DAB2: variants seen among roughly 807,000 people sequenced by gnomAD.
The protein encoded by DAB2 is disabled homolog 2.
In DAB2, 28 loss-of-function variants were observed where a neutral mutation model predicts 71.6. The observed-to-expected ratio is 0.39, with a 90% CI of 0.29 to 0.54. The LOEUF (loss-of-function observed/expected upper bound fraction) is 0.54, where lower values mean the gene tolerates loss of function less well. Ranked by LOEUF, DAB2 falls within the 20% of genes least tolerant of loss-of-function variation. The probability of loss-of-function intolerance (pLI) is 0.68; values close to 1 mark genes in which losing one functional copy is unlikely to be tolerated. For synonymous variants in DAB2, 345 were observed against 339.7 expected, an observed-to-expected ratio of 1.02 and a Z score of -0.17; for missense variants, 867 against 928.8, an observed-to-expected ratio of 0.93 and a Z score of 0.86.
At chr5:39,406,034 T>C (rs529449862) in intron 1 of DAB2, among the ~76,000 whole-genome samples, 5 of 152,282 alleles carry the variant, frequency 3.3e-5, no homozygotes, top group African/African-American at 9.6e-5. Context: ...CTTTCCCATA[T>C]ACTTTAGGCT....
Position 39,375,981 on chromosome 5 carries a change from A to G in DAB2, c.2247+16T>C, listed in dbSNP as rs756786517. ...GCATGTACTTTGGAGAAGAGCTTCT[A>G]GTAGTTCATACTTACAGAGGCTTGT... On this transcript the variant is annotated intron_variant, in intron 13 of 14. Coordinates refer to ENST00000320816, the MANE Select transcript of DAB2 (RefSeq NM_001343.4). 1.3e-6 allele frequency: 2 copies of G among 1,586,228 alleles called. No homozygotes were observed. Among genetic ancestry groups the G allele is most frequent in the Non-Finnish European group, 8.7e-7 (1 of 1,154,644 alleles).
intron 2 of DAB2, among the ~76,000 whole-genome samples, chr5:39,393,927 A>G (rs1229203532): frequency 6.6e-6 from 1 of 152,206 alleles, no homozygotes; most frequent in Non-Finnish European, 1.5e-5. Flanking sequence ...CAAATGGTAA[A>G]TAAATAACTG....
At chr5:39,384,958 C>T (rs1755064697) in intron 9 of DAB2, among the ~76,000 whole-genome samples, 1 of 151,584 alleles carries the variant, frequency 6.6e-6, no homozygotes, top group African/African-American at 2.4e-5. Flanking sequence ...CAAAAGGGTT[C>T]AAATAGAACT....
chr5:39,388,913 C>T lies in DAB2; in HGVS notation c.571-61G>A, dbSNP rs73078551. 2.2e-4 allele frequency: 322 copies of T among 1,446,098 alleles called. No homozygotes were observed. The African/African-American group carries it at 3.8e-3, about 17-fold the overall frequency. 89.6% of individuals were successfully genotyped at this position (1,446,098 alleles called of 1,614,324 possible). A position where few individuals can be genotyped will look rare whatever the true frequency, so the allele number is the denominator to read the frequency against. On this transcript the variant is annotated intron_variant, in intron 7 of 14. Coordinates refer to ENST00000320816, the MANE Select transcript of DAB2 (RefSeq NM_001343.4). ...GCTTTGTCTATAAAATGTATTTGTC[C>T]ACTCTATTAGTCTGCTAAGCAGCAA...
At chr5:39,424,627 A>C (rs1301938285) in intron 1 of DAB2, among the ~76,000 whole-genome samples, 177 bp downstream of exon 1, 2 of 150,854 alleles carry the variant, frequency 1.3e-5, no homozygotes, top group East Asian at 3.9e-4. Context: ...TCAGGCCACA[A>C]AACTGCTGGT....
chr5:39,411,597 G>A (rs1408182303), intron 1 of DAB2, among the ~76,000 whole-genome samples: 1 of 152,146 alleles, frequency 6.6e-6, no homozygotes, highest in Non-Finnish European at 1.5e-5. Flanking sequence ...CTCCTATGTA[G>A]GCATTTTTAG....
At chr5:39,411,352 G>T (rs1041244910) in intron 1 of DAB2, among the ~76,000 whole-genome samples, 2 of 152,090 alleles carry the variant, frequency 1.3e-5, no homozygotes, top group Admixed American at 1.3e-4. Context: ...TTCTTTCAGA[G>T]CAGTCTCCTC....
chr5:39,382,784 T>C lies in DAB2; in HGVS notation c.1175A>G (p.Lys392Arg). ...SEREQNGFSV[K>R]SSPNPFVGSP... ...TCCCACAAAAGGGTTCGGGGAGGAT[T>C]TGACAGAGAAGCCGTTCTGTTCTCT... Residue 392 changes from lysine (K) to arginine (R), a missense_variant, in exon 10 of 15, where the codon AAA (lysine) becomes AGA (arginine). By Grantham distance (26) the Lys-to-Arg change is conservative (BLOSUM62 2). This residue lies in a region of DAB2 where 740 missense variants were observed against 734.3 expected (regional missense o/e 1.01). Transcript: ENST00000320816. 1 of 1,614,144 alleles carries C rather than the reference T, an allele frequency of 6.2e-7. No homozygotes were observed. The highest frequency in any genetic ancestry group is 8.5e-7 in the Non-Finnish European group (1 of 1,180,020).
intron 1 of DAB2, among the ~76,000 whole-genome samples, chr5:39,397,057 G>A (rs1486550755): frequency 6.6e-6 from 1 of 152,176 alleles, no homozygotes; most frequent in East Asian, 1.9e-4. Context: ...GCTGGTGAAG[G>A]GACTCGGACA....
rs941722225 is a variant in DAB2 at position 39,372,780 on chromosome 5, A to G, written c.*651T>C. ...TCTTCCCTCATTTGCAATAGCTAGCAAGAAATGGGAGAAAAGGACAATCTT... is the reference window on the plus strand; with the variant it reads ...TCTTCCCTCATTTGCAATAGCTAGCGAGAAATGGGAGAAAAGGACAATCTT... On this transcript the variant is annotated 3_prime_UTR_variant, in exon 15 of 15. Transcript: ENST00000320816. 2.0e-5 allele frequency: 3 copies of G among 152,172 alleles called. No individual in the cohort carries two copies. Among genetic ancestry groups the G allele is most frequent in the African/African-American group, 7.2e-5 (3 of 41,448 alleles). 9.4% of individuals were successfully genotyped at this position (152,172 alleles called of 1,614,324 possible).
intron 9 of DAB2, among the ~76,000 whole-genome samples, chr5:39,386,919 T>A (rs1458673451): frequency 6.6e-6 from 1 of 152,222 alleles, no homozygotes; most frequent in Non-Finnish European, 1.5e-5. Context: ...CCTGTCAGGA[T>A]AATCTAGTCT....
At chr5:39,419,148 G>T (rs576827881) in intron 1 of DAB2, among the ~76,000 whole-genome samples, 1 of 152,310 alleles carries the variant, frequency 6.6e-6, no homozygotes, top group South Asian at 2.1e-4. Flanking sequence ...CAAGGTAAGT[G>T]AGACAACTAA....
intron 1 of DAB2, among the ~76,000 whole-genome samples, chr5:39,414,884 T>A (rs1755813631): frequency 6.6e-6 from 1 of 152,052 alleles, no homozygotes; most frequent in African/African-American, 2.4e-5. Flanking sequence ...ACACCTACTA[T>A]TTGCCAAGCA....
At chr5:39,376,569 G>A in intron 12 of DAB2, 81 bp downstream of exon 12, 1 of 1,511,088 alleles carries the variant, frequency 6.6e-7, no homozygotes, top group Non-Finnish European at 9.0e-7. Flanking sequence ...GTGGGAGAGG[G>A]TTCATTTGGG....
In DAB2 at chr5:39,406,723, T is replaced by C. The variant is rs535398573; in HGVS notation, c.-101-12302A>G. ...AAAATTTGAATTTAGAAGAACTTTA[T>C]TTTGTATCATTAGATGGTAAAGTAG... On this transcript the variant is annotated intron_variant, in intron 1 of 14. Transcript: ENST00000320816. 7.9e-5 allele frequency among the ~76,000 whole-genome samples: 12 copies of C among 152,360 alleles called. No individual in the cohort carries two copies. In the South Asian group the frequency reaches 2.5e-3, roughly 32 times the overall value.
chr5:39,416,201 T>A (rs1755843786), intron 1 of DAB2, among the ~76,000 whole-genome samples: 2 of 152,108 alleles, frequency 1.3e-5, no homozygotes, highest in Admixed American at 1.3e-4. Flanking sequence ...TGTTTGTTGA[T>A]CTTTTCTACA....
intron 1 of DAB2, among the ~76,000 whole-genome samples, chr5:39,404,174 C>T (rs1755559296): frequency 1.4e-5 from 2 of 140,760 alleles, no homozygotes; most frequent in South Asian, 4.4e-4. Flanking sequence ...TGTTCTCACT[C>T]ATAGGTGCGA....
At chr5:39,410,113 C>G (rs1755688373) in intron 1 of DAB2, among the ~76,000 whole-genome samples, 1 of 151,936 alleles carries the variant, frequency 6.6e-6, no homozygotes, top group African/African-American at 2.4e-5. Context: ...CTAATTAATC[C>G]AGGGCTGGGG....
At position 39,380,356 on chromosome 5, in the gene DAB2, CT is replaced by C. The variant is rs3836792; in HGVS notation, c.1504+1097del. On this transcript the variant is annotated intron_variant, in intron 11 of 14. Transcript: ENST00000320816. ...CTTGTAAAAGAACCAAACTATTTTC[CT>C]TTGTAGGAAAACAACAGAGACAGAG... Among the ~76,000 whole-genome samples the C allele has an allele frequency of 5.0e-3, 765 of 152,284 alleles. 58 individuals are homozygous for C. The East Asian group carries it at 0.14, about 28-fold the overall frequency.
Sources: gnomAD v4.1 joint callset for allele counts (sites outside exome capture counted in the v4.1 genomes callset) on GRCh38, gnomAD v4.1.1 for gene constraint, gnomAD v4.1.1 regional missense constraint, MANE v1.5 for transcripts, NCBI Gene and HGNC (gene_info 2026-07-23, HGNC 2026-07-21) for gene names.